FIP1L1: variants seen among roughly 807,000 people sequenced by gnomAD.
FIP1L1 encodes the protein pre-mRNA 3'-end-processing factor FIP1.
A neutral mutation model predicts 84.6 loss-of-function variants in FIP1L1; 21 were observed. The ratio of observed to expected loss-of-function variants is 0.25; its 90% CI spans 0.18 to 0.36. FIP1L1 has a LOEUF of 0.36. FIP1L1 is among the 10% of genes least tolerant of loss of function. The probability of loss-of-function intolerance (pLI) is 1.00; values close to 1 mark genes in which losing one functional copy is unlikely to be tolerated. For synonymous variants in FIP1L1, 263 were observed against 242.3 expected (o/e 1.09, Z -0.80); for missense variants, 526 against 751.1 (o/e 0.70, Z 3.50).
intron 10 of FIP1L1, among the ~76,000 whole-genome samples, chr4:53,404,081 A>G (rs1346338684): frequency 1.3e-5 from 2 of 151,310 alleles, no homozygotes; most frequent in Admixed American, 6.6e-5. Flanking sequence ...ACATATGTAT[A>G]CATGTGCCAT....
chr4:53,439,266 A>G (rs1308868987), intron 13 of FIP1L1, among the ~76,000 whole-genome samples: 1 of 152,094 alleles, frequency 6.6e-6, no homozygotes, highest in Non-Finnish European at 1.5e-5. Flanking sequence ...GAGAATTGCC[A>G]TTAGCTATGG....
rs552328130 is a variant in FIP1L1, at chr4:53,433,703, C to T, written c.1174+5520C>T. ...GGGTCTTTGCTTTACTGAGATATAG[C>T]CCAACTACTGTGGACCACAAACCAG... On this transcript the variant is annotated intron_variant, in intron 13 of 17. Coordinates refer to ENST00000337488, the MANE Select transcript of FIP1L1 (RefSeq NM_030917.4). Among the ~76,000 whole-genome samples, 22 of 152,194 alleles carry T rather than the reference C, an allele frequency of 1.4e-4. No individual in the cohort carries two copies. The East Asian group carries it at 4.0e-3, about 28-fold the overall frequency.
chr4:53,383,017 GGT>G (rs1738909669), intron 4 of FIP1L1, among the ~76,000 whole-genome samples: 1 of 148,788 alleles, frequency 6.7e-6, no homozygotes. Flanking sequence ...TATGCTTTGG[GGT>G]TTTTTTTTTT....
chr4:53,409,225 C>T (rs956100422), intron 10 of FIP1L1, among the ~76,000 whole-genome samples: 2 of 152,346 alleles, frequency 1.3e-5, no homozygotes, highest in South Asian at 2.1e-4. Flanking sequence ...ACAGGACCCT[C>T]AGCTGCAGGT....
At chr4:53,417,970 A>C (rs1306044177) in intron 11 of FIP1L1, among the ~76,000 whole-genome samples, 1 of 152,160 alleles carries the variant, frequency 6.6e-6, no homozygotes, top group Non-Finnish European at 1.5e-5. Context: ...GCAAGTAAAT[A>C]ATGATTAAGA....
At chr4:53,380,207 A>G (rs1737079634) in intron 3 of FIP1L1, among the ~76,000 whole-genome samples, 1 of 152,236 alleles carries the variant, frequency 6.6e-6, no homozygotes, top group Non-Finnish European at 1.5e-5. Flanking sequence ...TATTCTTAAT[A>G]GAAAGTGGAA....
At chr4:53,403,647 G>A (rs1751442074) in intron 10 of FIP1L1, among the ~76,000 whole-genome samples, 2 of 152,300 alleles carry the variant, frequency 1.3e-5, no homozygotes, top group South Asian at 4.1e-4. Context: ...TGGGAGGCAG[G>A]AGATCAGATG....
At chr4:53,410,974 G>T (rs1756941973) in intron 10 of FIP1L1, among the ~76,000 whole-genome samples, 2 of 152,136 alleles carry the variant, frequency 1.3e-5, no homozygotes, top group South Asian at 2.1e-4. Flanking sequence ...AATAAGGTGG[G>T]GGGGGCTGCT....
intron 3 of FIP1L1, among the ~76,000 whole-genome samples, chr4:53,380,981 C>T (rs1315939075): frequency 1.3e-5 from 2 of 152,104 alleles, no homozygotes; most frequent in African/African-American, 2.4e-5. Context: ...TTCCGCAATA[C>T]ACAACTTGCT....
At chr4:53,442,779 T>C (rs777195488) in intron 14 of FIP1L1, 72 bp downstream of exon 14, 11 of 822,426 alleles carry the variant, frequency 1.3e-5, no homozygotes, top group Non-Finnish European at 2.2e-5. Context: ...CTTGGAAATA[T>C]TTTCAGATAT....
chr4:53,432,345 C>T (rs1258457295), intron 13 of FIP1L1, among the ~76,000 whole-genome samples: 1 of 132,718 alleles, frequency 7.5e-6, no homozygotes, highest in Non-Finnish European at 1.5e-5. Flanking sequence ...TTGCAGTGAG[C>T]CGAGATCACA....
At chr4:53,380,313 A>T (rs769221593) in intron 3 of FIP1L1, among the ~76,000 whole-genome samples, 18 of 152,236 alleles carry the variant, frequency 1.2e-4, no homozygotes, top group Non-Finnish European at 2.1e-4. Flanking sequence ...CAATAAAATG[A>T]AGTACTGGTA....
chr4:53,381,083 T>A (rs919857045), intron 3 of FIP1L1, among the ~76,000 whole-genome samples: 2 of 152,204 alleles, frequency 1.3e-5, no homozygotes, highest in African/African-American at 2.4e-5. Flanking sequence ...GGGGAGCCGT[T>A]GAGTTGATTT....
chr4:53,438,982 A>G (rs1302803533), intron 13 of FIP1L1, among the ~76,000 whole-genome samples: 1 of 152,158 alleles, frequency 6.6e-6, no homozygotes, highest in Non-Finnish European at 1.5e-5. Flanking sequence ...ATATTCCTTT[A>G]TCTTATAAAT....
intron 15 of FIP1L1, 99 bp from the exon 16 acceptor site, chr4:53,452,820 TA>T: frequency 2.4e-6 from 2 of 820,452 alleles, no homozygotes; most frequent in Non-Finnish European, 3.9e-6. Flanking sequence ...TTTCTATTTA[TA>T]AAATGAATTT....
At chr4:53,428,989 A>G (rs1378871284) in intron 13 of FIP1L1, among the ~76,000 whole-genome samples, 2 of 152,214 alleles carry the variant, frequency 1.3e-5, no homozygotes, top group Non-Finnish European at 2.9e-5. Flanking sequence ...ATCAGTTTAT[A>G]CTAGAGAGCC....
At chr4:53,408,839 GCT>G (rs1362897321) in intron 10 of FIP1L1, among the ~76,000 whole-genome samples, 25 of 152,272 alleles carry the variant, frequency 1.6e-4, no homozygotes, top group African/African-American at 3.4e-4. Flanking sequence ...TTGGTTTTCA[GCT>G]CTGTCAGCTC....
At chr4:53,420,587 A>G (rs1297709670) in intron 11 of FIP1L1, among the ~76,000 whole-genome samples, 3 of 152,146 alleles carry the variant, frequency 2.0e-5, no homozygotes, top group South Asian at 2.1e-4. Flanking sequence ...ATTTTAGACT[A>G]GGTTCTTTTT....
chr4:53,394,212 A>G (rs1482922719), intron 9 of FIP1L1, among the ~76,000 whole-genome samples: 1 of 151,730 alleles, frequency 6.6e-6, no homozygotes, highest in African/African-American at 2.4e-5. Flanking sequence ...TTTCTGTTAG[A>G]TTTTTCTTTT....
Sources: allele counts gnomAD v4.1 joint callset (sites outside exome capture counted in the v4.1 genomes callset), GRCh38; gene constraint gnomAD v4.1.1; transcripts MANE v1.5; gene names NCBI Gene and HGNC (gene_info 2026-07-23, HGNC 2026-07-21).